RIMS1: variants seen among roughly 807,000 people sequenced by gnomAD.
RIMS1 encodes regulating synaptic membrane exocytosis 1.
Under a neutral mutation model 214.1 loss-of-function variants are expected in RIMS1, and 83 were observed. The observed-to-expected ratio is 0.39, with a 90% CI of 0.32 to 0.47. The LOEUF is 0.47. Ranked by LOEUF, RIMS1 falls within the 20% of genes least tolerant of loss-of-function variation. The pLI, the probability that RIMS1 is intolerant of heterozygous loss-of-function variation, is 0.99. For missense variants in RIMS1, 2,050 were observed against 2,161.8 expected (o/e 0.95, Z 1.03); for synonymous variants, 793 against 786.8 (o/e 1.01, Z -0.13).
At chr6:71,928,515 A>G (rs918211489) in intron 1 of RIMS1, among the ~76,000 whole-genome samples, 1 of 152,122 alleles carries the variant, frequency 6.6e-6, no homozygotes, top group Non-Finnish European at 1.5e-5. Context: ...AATCAGTATT[A>G]ATTACTGAGT....
intron 2 of RIMS1, among the ~76,000 whole-genome samples, chr6:72,067,541 T>G (rs1829616198): frequency 6.6e-6 from 1 of 152,216 alleles, no homozygotes; most frequent in Non-Finnish European, 1.5e-5. Flanking sequence ...ACATGCCTAG[T>G]TACTCTCCAA....
At chr6:72,271,286 A>AAAAAATATATATAT (rs1417580438) in intron 22 of RIMS1, among the ~76,000 whole-genome samples, 1 of 44,422 alleles carries the variant, frequency 2.3e-5, no homozygotes, top group Non-Finnish European at 3.7e-5. Flanking sequence ...AAAAAAAAAA[A>AAAAAATATATATAT]ATATATATAT....
intron 8 of RIMS1, among the ~76,000 whole-genome samples, chr6:72,237,491 A>G (rs185059750): frequency 2.6e-5 from 4 of 152,174 alleles, no homozygotes; most frequent in East Asian, 1.9e-4. Context: ...TCTGGGCAAC[A>G]TGGCAAGACC....
At chr6:72,227,358 T>C (rs541635240) in intron 6 of RIMS1, among the ~76,000 whole-genome samples, 63 of 152,126 alleles carry the variant, frequency 4.1e-4, no homozygotes, top group African/African-American at 1.4e-3. Flanking sequence ...TCTGTGGTGC[T>C]CTATAGTTAT....
rs998423785 is a variant in RIMS1, at chr6:71,886,909, C to G, written c.-115C>G. On this transcript the variant is annotated 5_prime_UTR_variant, in exon 1 of 34. Transcript: ENST00000521978. ...TGCCGCCGCCGCCGCTGCTCCTCCT[C>G]CTGCCGCCGCCGCTAGGGCTCCGCT... 2 of 1,267,442 alleles carry G rather than the reference C, an allele frequency of 1.6e-6. No individual in the cohort carries two copies. Among genetic ancestry groups the G allele is most frequent in the African/African-American group, 3.0e-5 (2 of 67,492 alleles). The allele number at this position is 1,267,442 out of a possible 1,614,324, so 78.5% of individuals were successfully genotyped here.
Position 72,183,060 on chromosome 6 carries a change from T to C in RIMS1, c.1589T>C (p.Val530Ala). The C allele has an allele frequency of 3.1e-6, 5 of 1,594,878 alleles. No homozygotes were observed. The highest frequency in any genetic ancestry group is 3.4e-6 in the Non-Finnish European group (4 of 1,171,736). The change falls in exon 6 of 34, where the codon GTG (valine) becomes GCG (alanine). Residue 530 changes from valine (V) to alanine (A), a missense_variant. Coordinates refer to ENST00000521978, the MANE Select transcript of RIMS1 (RefSeq NM_014989.7). ...KRGGKKRQMS[V>A]SSSEEEGVST... is the part of the protein sequence containing the mutation. ...GGCGGCAAGAAGCGGCAGATGTCGG[T>C]GAGCAGCTCTGAGGAGGAGGGCGTG...
chr6:72,029,967 T>C (rs986517520), intron 2 of RIMS1, among the ~76,000 whole-genome samples: 2 of 152,164 alleles, frequency 1.3e-5, no homozygotes, highest in Admixed American at 1.3e-4. Flanking sequence ...ACAAGATGCA[T>C]GTAGAGAACA....
At chr6:72,291,617 G>T (rs1469803762) in intron 25 of RIMS1, among the ~76,000 whole-genome samples, 1 of 152,050 alleles carries the variant, frequency 6.6e-6, no homozygotes, top group East Asian at 1.9e-4. Context: ...GATGTATTTG[G>T]TTCAGTACTG....
chr6:72,386,895 G>A (rs892687989), intron 29 of RIMS1, among the ~76,000 whole-genome samples: 2 of 151,722 alleles, frequency 1.3e-5, no homozygotes, highest in South Asian at 4.2e-4. Context: ...CACCACACCT[G>A]GCTAATTTTT....
intron 1 of RIMS1, among the ~76,000 whole-genome samples, chr6:71,950,278 A>G (rs1477882792): frequency 6.6e-6 from 1 of 152,126 alleles, no homozygotes; most frequent in Non-Finnish European, 1.5e-5. Flanking sequence ...TCTTGTTTTT[A>G]CTATGGTGAT....
intron 1 of RIMS1, among the ~76,000 whole-genome samples, chr6:71,894,300 A>G (rs2150373235): frequency 6.6e-6 from 1 of 152,114 alleles, no homozygotes; most frequent in Admixed American, 6.5e-5. Flanking sequence ...CAAAAAATTA[A>G]CCTGGTATGG....
chr6:72,372,785 G>T (rs72653180), intron 29 of RIMS1, among the ~76,000 whole-genome samples: 1 of 152,144 alleles, frequency 6.6e-6, no homozygotes, highest in Non-Finnish European at 1.5e-5. Context: ...TATGGCTGCC[G>T]CCAGGTTGCA....
At chr6:72,013,726 G>T (rs567748739) in intron 2 of RIMS1, among the ~76,000 whole-genome samples, 1 of 152,252 alleles carries the variant, frequency 6.6e-6, no homozygotes, top group East Asian at 1.9e-4. Flanking sequence ...CATCTTTACT[G>T]ATATATAATC....
At chr6:72,183,855 A>G (rs749356602) in intron 6 of RIMS1, among the ~76,000 whole-genome samples, 3 of 151,576 alleles carry the variant, frequency 2.0e-5, no homozygotes, top group Non-Finnish European at 1.5e-5. Flanking sequence ...CTATCATAAA[A>G]TGTACATGAA....
intron 2 of RIMS1, among the ~76,000 whole-genome samples, chr6:72,065,720 G>A (rs1162308001): frequency 2.0e-5 from 3 of 152,116 alleles, no homozygotes; most frequent in African/African-American, 7.2e-5. Context: ...ACAGGTGAAA[G>A]TTTCTGTAAG....
At chr6:72,353,142 G>C (rs187764615) in intron 29 of RIMS1, among the ~76,000 whole-genome samples, 2 of 151,700 alleles carry the variant, frequency 1.3e-5, no homozygotes, top group African/African-American at 2.4e-5. Context: ...CCACTACCAC[G>C]CTCAGCTAGT....
At chr6:72,017,303 G>A (rs1017244937) in intron 2 of RIMS1, among the ~76,000 whole-genome samples, 1 of 152,152 alleles carries the variant, frequency 6.6e-6, no homozygotes, top group African/African-American at 2.4e-5. Context: ...AGTGAAAACA[G>A]TGGTAATAAT....
At chr6:71,995,383 G>C (rs1484079482) in intron 2 of RIMS1, among the ~76,000 whole-genome samples, 1 of 151,916 alleles carries the variant, frequency 6.6e-6, no homozygotes, top group Admixed American at 6.6e-5. Flanking sequence ...CCCTTTTACA[G>C]TGATGCAGTA....
intron 2 of RIMS1, among the ~76,000 whole-genome samples, chr6:72,052,754 A>G (rs1192955945): frequency 1.3e-5 from 2 of 152,176 alleles, no homozygotes; most frequent in Non-Finnish European, 2.9e-5. Flanking sequence ...CGTATGTGTT[A>G]TTCTCTTCCT....
Sources: gnomAD v4.1 joint callset for allele counts (sites outside exome capture counted in the v4.1 genomes callset) on GRCh38, gnomAD v4.1.1 for gene constraint, MANE v1.5 for transcripts, NCBI Gene and HGNC (gene_info 2026-07-23, HGNC 2026-07-21) for gene names.